PRKX: variants seen among roughly 807,000 people sequenced by gnomAD.
PRKX encodes protein kinase cAMP-dependent X-linked catalytic subunit, also known as cAMP-dependent protein kinase catalytic subunit PRKX.
A neutral mutation model predicts 22.0 loss-of-function variants in PRKX; 12 were observed. The observed-to-expected ratio is 0.54, with a 90% CI of 0.35 to 0.88. The LOEUF (loss-of-function observed/expected upper bound fraction) is 0.88. Ranked by LOEUF, PRKX falls within the 40% of genes least tolerant of loss-of-function variation. The pLI is 0.01. For synonymous variants in PRKX, 134 were observed against 137.7 expected (o/e 0.97, Z 0.19); for missense variants, 217 against 308.0 (o/e 0.70, Z 2.21).
At chrX:3,618,163 A>C (rs773101573) in intron 6 of PRKX, among the ~76,000 whole-genome samples, 1 of 110,668 alleles carries the variant, frequency 9.0e-6, no homozygotes, top group South Asian at 3.9e-4. Flanking sequence ...AACTCATAGA[A>C]GCAGAGAGTA....
intron 4 of PRKX, among the ~76,000 whole-genome samples, chrX:3,640,095 G>A (rs1481034627): frequency 1.8e-5 from 2 of 110,465 alleles, no homozygotes; most frequent in East Asian, 2.9e-4. Context: ...AGAGAGATGT[G>A]AGGGAGGATC....
At chrX:3,613,234 CA>C (rs1398384300) in intron 7 of PRKX, among the ~76,000 whole-genome samples, 1 of 100,168 alleles carries the variant, frequency 1.0e-5, no homozygotes, top group African/African-American at 3.5e-5. Flanking sequence ...ATTATATAGT[CA>C]AGTGCAAAAA....
At chrX:3,678,574 C>G (rs1928009719) in intron 1 of PRKX, among the ~76,000 whole-genome samples, 1 of 112,382 alleles carries the variant, frequency 8.9e-6, no homozygotes. Flanking sequence ...TACTTATGCA[C>G]TGCAGCGGAT....
chrX:3,628,265 T>A (rs1028789657), intron 4 of PRKX, among the ~76,000 whole-genome samples: 3 of 109,953 alleles, frequency 2.7e-5, no homozygotes, highest in African/African-American at 9.9e-5. Flanking sequence ...AAGTGAGAGA[T>A]AGGGAGAGGT....
rs370852461 is a variant in PRKX at position 3,630,421 on chromosome X, G to A, written c.720-3907C>T. Among the ~76,000 whole-genome samples the A allele has an allele frequency of 7.9e-4, 88 of 111,401 alleles. No individual in the cohort carries two copies. In the East Asian group the frequency reaches 9.9e-3, roughly 13 times the overall value. On this transcript the variant is annotated intron_variant, in intron 4 of 8. Transcript: ENST00000262848. Reference sequence around the variant, plus strand: ...CAAAAATACAAAAAATTAGCCAGGCGTGGTGGCGGGCGCCTGTAATCCCAG... The same window carrying A: ...CAAAAATACAAAAAATTAGCCAGGCATGGTGGCGGGCGCCTGTAATCCCAG...
intron 1 of PRKX, among the ~76,000 whole-genome samples, chrX:3,706,117 G>A (rs1414106727): frequency 1.8e-5 from 2 of 110,624 alleles, no homozygotes; most frequent in Non-Finnish European, 3.8e-5. Flanking sequence ...AGAGGAAACT[G>A]ATGGATAGAA....
intron 2 of PRKX, among the ~76,000 whole-genome samples, chrX:3,665,115 T>C (rs1375400793): frequency 8.9e-6 from 1 of 111,817 alleles, no homozygotes; most frequent in Non-Finnish European, 1.9e-5. Flanking sequence ...TGCATGCATA[T>C]ATGTGTGCGT....
In PRKX at chrX:3,638,017, C is replaced by T. The variant is rs1326952480; in HGVS notation, c.719+3835G>A. Among the ~76,000 whole-genome samples the T allele has an allele frequency of 2.9e-4, 32 of 110,883 alleles. No individual in the cohort carries two copies. The Admixed American group carries it at 3.0e-3, about 10-fold the overall frequency. On this transcript the variant is annotated intron_variant, in intron 4 of 8. Transcript: ENST00000262848. ...CCTCAGGTGATCCAACCACCTCGGCCTCCCAAAGTGTTGGGATTACAGGTG... is the reference window on the plus strand; with the variant it reads ...CCTCAGGTGATCCAACCACCTCGGCTTCCCAAAGTGTTGGGATTACAGGTG...
At chrX:3,630,933 C>T (rs1268621427) in intron 4 of PRKX, among the ~76,000 whole-genome samples, 4 of 111,807 alleles carry the variant, frequency 3.6e-5, no homozygotes, top group African/African-American at 1.3e-4. Context: ...CTTACATGTC[C>T]GTGGCACAAG....
At chrX:3,711,761 G>A (rs1270994426) in intron 1 of PRKX, among the ~76,000 whole-genome samples, 1 of 110,869 alleles carries the variant, frequency 9.0e-6, no homozygotes. Context: ...AGAGGAGGGA[G>A]GGAGACAGAA....
At chrX:3,707,407 G>A (rs561120646) in intron 1 of PRKX, among the ~76,000 whole-genome samples, 13 of 111,141 alleles carry the variant, frequency 1.2e-4, no homozygotes, top group South Asian at 1.2e-3. Context: ...CTATTCATGC[G>A]GTGGATGGTC....
At chrX:3,612,108 C>A (rs1445238937) in intron 8 of PRKX, 69 bp downstream of exon 8, 1 of 1,037,636 alleles carries the variant, frequency 9.6e-7, no homozygotes, top group Non-Finnish European at 1.3e-6. Flanking sequence ...ACTCAGTAAA[C>A]GCAGCCTCAC....
Position 3,688,451 on chromosome X carries a change from A to G in PRKX, c.167-13685T>C, listed in dbSNP as rs780972239. 2.9e-4 allele frequency among the ~76,000 whole-genome samples: 29 copies of G among 100,050 alleles called. 4 individuals carry two copies. The highest frequency in any genetic ancestry group is 2.0e-3 in the East Asian group (5 of 2,449). 86.9% of individuals were successfully genotyped at this position (100,050 alleles called of 115,157 possible). A position where few individuals can be genotyped will look rare whatever the true frequency, so the allele number is the denominator to read the frequency against. ...ACAGAGCGAGACTCTGTCTCCAAAG[A>G]AAAAAAAAAGGTTAACTCAAGAAGT... On this transcript the variant is annotated intron_variant, in intron 1 of 8. Coordinates refer to ENST00000262848, the MANE Select transcript of PRKX (RefSeq NM_005044.5).
intron 4 of PRKX, among the ~76,000 whole-genome samples, chrX:3,634,424 C>T (rs1331298636): frequency 5.5e-5 from 6 of 109,436 alleles, no homozygotes; most frequent in Admixed American, 3.9e-4. Context: ...AATATAGCCC[C>T]GGGCACGTTG....
At chrX:3,666,198 A>C (rs1166068315) in intron 2 of PRKX, among the ~76,000 whole-genome samples, 5 of 94,559 alleles carry the variant, frequency 5.3e-5, no homozygotes, top group Non-Finnish European at 1.0e-4. Context: ...TCTGTTACTC[A>C]GGCTGGAGTG....
chrX:3,690,208 G>A (rs1185850841), intron 1 of PRKX, among the ~76,000 whole-genome samples: 1 of 111,165 alleles, frequency 9.0e-6, no homozygotes, highest in Non-Finnish European at 1.9e-5. Flanking sequence ...TTTTAAGCTT[G>A]GAATATTTAC....
intron 1 of PRKX, among the ~76,000 whole-genome samples, chrX:3,709,092 G>A (rs1928737069): frequency 9.4e-6 from 1 of 106,332 alleles, no homozygotes; most frequent in African/African-American, 3.5e-5. Context: ...GCCAAGGCAG[G>A]AGGATTGCTT....
At chrX:3,647,026 C>T (rs745894774) in intron 3 of PRKX, among the ~76,000 whole-genome samples, 1 of 110,612 alleles carries the variant, frequency 9.0e-6, no homozygotes, top group African/African-American at 3.3e-5. Flanking sequence ...CCTTGACTTC[C>T]GTTAAATACT....
chrX:3,631,162 T>A (rs1389544073), intron 4 of PRKX, among the ~76,000 whole-genome samples: 1 of 112,380 alleles, frequency 8.9e-6, no homozygotes, highest in Non-Finnish European at 1.9e-5. Context: ...AATCACTTCC[T>A]GACCTTAACA....
Sources: gnomAD v4.1 joint callset for allele counts (sites outside exome capture counted in the v4.1 genomes callset) on GRCh38, gnomAD v4.1.1 for gene constraint, MANE v1.5 for transcripts, NCBI Gene and HGNC (gene_info 2026-07-23, HGNC 2026-07-21) for gene names.